SIPA1L2: variants seen among roughly 807,000 people sequenced by gnomAD.
SIPA1L2 encodes the protein signal induced proliferation associated 1 like 2, also known as signal-induced proliferation-associated 1-like protein 2.
In SIPA1L2, 56 loss-of-function variants were observed where a neutral mutation model predicts 163.9. The observed-to-expected ratio is 0.34, with a 90% confidence interval of 0.28 to 0.43. SIPA1L2 has a LOEUF of 0.43. SIPA1L2 is among the 20% of genes least tolerant of loss of function. The probability of loss-of-function intolerance (pLI) is 1.00; values close to 1 mark genes in which losing one functional copy is unlikely to be tolerated. For missense variants in SIPA1L2, 1,974 were observed against 2,193.5 expected (o/e 0.90, Z 2.00); for synonymous variants, 877 against 865.7 (o/e 1.01, Z -0.23).
chr1:232,450,675 G>C (rs1036741679), intron 10 of SIPA1L2, among the ~76,000 whole-genome samples: 2 of 152,194 alleles, frequency 1.3e-5, no homozygotes, highest in African/African-American at 4.8e-5. Context: ...TCCAGTGCTT[G>C]TTTGGCCTTC....
chr1:232,557,638 C>A (rs1573079197), intron 2 of SIPA1L2, among the ~76,000 whole-genome samples: 1 of 152,216 alleles, frequency 6.6e-6, no homozygotes, highest in Admixed American at 6.5e-5. Flanking sequence ...CTGTCTCTGG[C>A]AAGCCACAGC....
chr1:232,484,154 C>A (rs892448038), intron 5 of SIPA1L2, among the ~76,000 whole-genome samples, 188 bp from the exon 6 acceptor site: 3 of 152,124 alleles, frequency 2.0e-5, no homozygotes, highest in Non-Finnish European at 4.4e-5. Context: ...CCCAGAAACC[C>A]CAGAATACAG....
At chr1:232,591,584 G>A (rs1201381039) in intron 1 of SIPA1L2, among the ~76,000 whole-genome samples, 1 of 152,232 alleles carries the variant, frequency 6.6e-6, no homozygotes, top group Non-Finnish European at 1.5e-5. Flanking sequence ...GCCTTTTGTT[G>A]TGTGTTGCCT....
intron 1 of SIPA1L2, among the ~76,000 whole-genome samples, chr1:232,607,759 T>TAA (rs775834153): frequency 0.053 from 7,660 of 144,886 alleles, 662 homozygotes; most frequent in East Asian, 0.41. Flanking sequence ...CACCTCTTTT[T>TAA]TAAAAAAAAA....
Position 232,615,852 on chromosome 1 carries a change from C to T in SIPA1L2, c.-319+14017G>A, listed in dbSNP as rs114718945. 4.7e-3 allele frequency among the ~76,000 whole-genome samples: 719 copies of T among 152,302 alleles called. 5 individuals carry two copies. The highest frequency in any genetic ancestry group is 7.3e-3 in the Non-Finnish European group (499 of 68,034). On this transcript the variant is annotated intron_variant, in intron 1 of 22. Transcript: ENST00000674635. ...CAGAATAAGAGCACCACAAGGGCAA[C>T]ACCCTGTCTGCCTTACTCACCACCA...
chr1:232,583,439 T>G lies in SIPA1L2; in HGVS notation c.-318-9217A>C, dbSNP rs78580309. ...CACTCATTAAAGTTGTAGCTTATATTAGTTATCTTAAGAGTTGAATAGTGA... is the reference window on the plus strand; with the variant it reads ...CACTCATTAAAGTTGTAGCTTATATGAGTTATCTTAAGAGTTGAATAGTGA... On this transcript the variant is annotated intron_variant, in intron 1 of 22. Transcript: ENST00000674635. Among the ~76,000 whole-genome samples the G allele has an allele frequency of 3.2e-4, 48 of 152,358 alleles. No individual in the cohort carries two copies. In the East Asian group the frequency reaches 4.0e-3, roughly 13 times the overall value.
intron 5 of SIPA1L2, 200 bp downstream of exon 5, chr1:232,490,674 C>G: frequency 1.9e-6 from 1 of 514,984 alleles, no homozygotes; most frequent in East Asian, 3.4e-5. Flanking sequence ...AAAATCACAA[C>G]TCAGCAGGAG....
intron 2 of SIPA1L2, among the ~76,000 whole-genome samples, chr1:232,559,991 G>T (rs1339246139): frequency 6.6e-6 from 1 of 152,168 alleles, no homozygotes; most frequent in Non-Finnish European, 1.5e-5. Context: ...TTTCCTTCCT[G>T]TCGGTTCCCC....
At chr1:232,546,093 C>T (rs1658015604) in intron 2 of SIPA1L2, among the ~76,000 whole-genome samples, 1 of 152,170 alleles carries the variant, frequency 6.6e-6, no homozygotes, top group African/African-American at 2.4e-5. Flanking sequence ...ACCTGGAGTC[C>T]TGTCTAAATC....
intron 9 of SIPA1L2, among the ~76,000 whole-genome samples, 168 bp downstream of exon 9, chr1:232,464,672 A>G (rs767761636): frequency 6.6e-6 from 1 of 152,216 alleles, no homozygotes; most frequent in Non-Finnish European, 1.5e-5. Context: ...CATGTATTCA[A>G]CAACTCCCCA....
At chr1:232,546,580 C>T (rs888379014) in intron 2 of SIPA1L2, among the ~76,000 whole-genome samples, 20 of 152,278 alleles carry the variant, frequency 1.3e-4, no homozygotes, top group South Asian at 6.2e-4. Flanking sequence ...ACCTACTCTG[C>T]GTGGCAAACT....
At chr1:232,457,147 T>C (rs1249842924) in intron 10 of SIPA1L2, among the ~76,000 whole-genome samples, 1 of 151,976 alleles carries the variant, frequency 6.6e-6, no homozygotes, top group African/African-American at 2.4e-5. Context: ...TGGCTTTGGA[T>C]TCAACAGATT....
chr1:232,521,367 A>G, intron 2 of SIPA1L2, among the ~76,000 whole-genome samples: 1 of 152,242 alleles, frequency 6.6e-6, no homozygotes, highest in East Asian at 1.9e-4. Flanking sequence ...ATTGGAGTAA[A>G]GCAGGACCTC....
At chr1:232,575,131 C>T (rs1381612298) in intron 1 of SIPA1L2, among the ~76,000 whole-genome samples, 1 of 152,220 alleles carries the variant, frequency 6.6e-6, no homozygotes, top group African/African-American at 2.4e-5. Flanking sequence ...AGACCTGACA[C>T]TGCATGGACT....
At chr1:232,594,912 C>G (rs1357695710) in intron 1 of SIPA1L2, among the ~76,000 whole-genome samples, 1 of 152,214 alleles carries the variant, frequency 6.6e-6, no homozygotes, top group African/African-American at 2.4e-5. Flanking sequence ...AGCGCCCACA[C>G]CCAGGCTGCA....
chr1:232,578,017 T>G (rs1356584932), intron 1 of SIPA1L2, among the ~76,000 whole-genome samples: 1 of 152,088 alleles, frequency 6.6e-6, no homozygotes, highest in Non-Finnish European at 1.5e-5. Context: ...GTTGTCTTAT[T>G]TTAAGAAATT....
At chr1:232,401,203 AG>A (rs1295965755) in intron 22 of SIPA1L2, among the ~76,000 whole-genome samples, 1 of 152,024 alleles carries the variant, frequency 6.6e-6, no homozygotes, top group East Asian at 1.9e-4. Context: ...AGCTGGAGAT[AG>A]GGTGACCAGC....
chr1:232,438,233 C>T (rs1310602761), intron 15 of SIPA1L2, among the ~76,000 whole-genome samples: 1 of 152,136 alleles, frequency 6.6e-6, no homozygotes, highest in Non-Finnish European at 1.5e-5. Flanking sequence ...GCACTAGGTA[C>T]CTGCAAGAAA....
intron 10 of SIPA1L2, among the ~76,000 whole-genome samples, chr1:232,458,187 G>T (rs554997765): frequency 4.6e-5 from 7 of 152,204 alleles, no homozygotes; most frequent in African/African-American, 1.7e-4. Context: ...GTATGTTTAG[G>T]GAATGACATT....
Sources: gnomAD v4.1 joint callset for allele counts (sites outside exome capture counted in the v4.1 genomes callset) on GRCh38, gnomAD v4.1.1 for gene constraint, MANE v1.5 for transcripts, NCBI Gene and HGNC (gene_info 2026-07-23, HGNC 2026-07-21) for gene names.